The following GRM5 variants were observed in gnomAD, a reference collection of about 807,000 sequenced individuals.
GRM5 encodes the protein metabotropic glutamate receptor 5.
In GRM5, 19 loss-of-function variants were observed where a neutral mutation model predicts 83.1. The observed-to-expected ratio is 0.23, with a 90% CI of 0.16 to 0.34. The LOEUF is 0.34. Ranked by LOEUF, GRM5 falls within the 10% of genes least tolerant of loss-of-function variation. The pLI is 1.00. For missense variants in GRM5, 1,160 were observed against 1,588.3 expected, an observed-to-expected ratio of 0.73 and a Z score of 4.58; for synonymous variants, 675 against 633.6, an observed-to-expected ratio of 1.07 and a Z score of -0.98.
chr11:88,662,398 A>T (rs1369347807), intron 3 of GRM5, among the ~76,000 whole-genome samples: 5 of 152,172 alleles, frequency 3.3e-5, no homozygotes, highest in African/African-American at 1.2e-4. Flanking sequence ...TTTAAGAGAC[A>T]TGTATTGGAA....
chr11:88,541,553 A>C (rs1942268038), intron 8 of GRM5, among the ~76,000 whole-genome samples: 1 of 152,214 alleles, frequency 6.6e-6, no homozygotes. Context: ...ACTGGGCTTT[A>C]GTTTGCCTGA....
chr11:89,034,316 T>C lies in GRM5; in HGVS notation c.661+12896A>G, dbSNP rs139497954. Among the ~76,000 whole-genome samples the C allele has an allele frequency of 1.7e-3, 252 of 152,026 alleles. 3 individuals are homozygous for C. Among genetic ancestry groups the C allele is most frequent in the Middle Eastern group, 0.014 (4 of 294 alleles). Reference sequence around the variant, plus strand: ...GCATAAACAAAAAGGAATTACTTACTACACCATCTACGGTGCTCTAAATGA... The same window carrying C: ...GCATAAACAAAAAGGAATTACTTACCACACCATCTACGGTGCTCTAAATGA... On this transcript the variant is annotated intron_variant, in intron 2 of 9. Transcript: ENST00000305447.
rs1213927000 is a variant in GRM5 at position 88,911,716 on chromosome 11, G to A, written c.662-61561C>T. The stretch of plus-strand genomic sequence containing the variant: ...ATTGAGCAAGTTGAACCAGATCACT[G>A]GTTTACACATTGTGTTGCCTCAGAA... On this transcript the variant is annotated intron_variant, in intron 2 of 9. Transcript: ENST00000305447. 6.6e-5 allele frequency among the ~76,000 whole-genome samples: 10 copies of A among 152,214 alleles called. No individual in the cohort carries two copies. In the East Asian group the frequency reaches 1.9e-3, roughly 29 times the overall value.
intron 2 of GRM5, among the ~76,000 whole-genome samples, chr11:89,045,080 C>G (rs1489646373): frequency 1.3e-5 from 2 of 152,134 alleles, no homozygotes; most frequent in South Asian, 2.1e-4. Flanking sequence ...ACCACATAAA[C>G]AGTAAGCAAA....
intron 5 of GRM5, among the ~76,000 whole-genome samples, chr11:88,602,654 T>C (rs1565356372): frequency 2.0e-5 from 3 of 152,216 alleles, no homozygotes; most frequent in Non-Finnish European, 4.4e-5. Context: ...CCTGGTTGAT[T>C]AATTGTCAGG....
chr11:88,971,363 G>C (rs1453433498), intron 2 of GRM5, among the ~76,000 whole-genome samples: 2 of 152,100 alleles, frequency 1.3e-5, no homozygotes, highest in South Asian at 4.1e-4. Flanking sequence ...GGAGTTTGGT[G>C]TACAGATTAT....
intron 9 of GRM5, among the ~76,000 whole-genome samples, chr11:88,522,109 T>C (rs1447321765): frequency 6.6e-6 from 1 of 152,166 alleles, no homozygotes; most frequent in Admixed American, 6.5e-5. Flanking sequence ...TATTCAATAA[T>C]GGCCACAGAG....
intron 2 of GRM5, among the ~76,000 whole-genome samples, chr11:88,870,602 G>T (rs1944748635): frequency 6.6e-6 from 1 of 151,608 alleles, no homozygotes; most frequent in African/African-American, 2.4e-5. Context: ...ATAGTTTGTA[G>T]TCTGATAGAC....
intron 3 of GRM5, among the ~76,000 whole-genome samples, chr11:88,776,129 T>C (rs1942843137): frequency 6.6e-6 from 1 of 152,198 alleles, no homozygotes; most frequent in Non-Finnish European, 1.5e-5. Context: ...TGCTCCTGTA[T>C]TGGGTGCATA....
intron 7 of GRM5, among the ~76,000 whole-genome samples, chr11:88,581,745 A>C (rs1943215956): frequency 6.6e-6 from 1 of 150,764 alleles, no homozygotes; most frequent in African/African-American, 2.4e-5. Context: ...AGGAAAGGAT[A>C]GTTCCCATAA....
chr11:88,993,743 A>G lies in GRM5; in HGVS notation c.661+53469T>C, dbSNP rs1940075066. Among the ~76,000 whole-genome samples the G allele has an allele frequency of 5.9e-5, 9 of 152,190 alleles. No individual in the cohort carries two copies. In the South Asian group the frequency reaches 1.9e-3, roughly 32 times the overall value. ...GTTTTTAGTTTGTTTGTTTTTTGAG[A>G]CAGGGTCTCACTCTGTTGTCCAGGC... On this transcript the variant is annotated intron_variant, in intron 2 of 9. Coordinates refer to ENST00000305447, the MANE Select transcript of GRM5 (RefSeq NM_001143831.3).
chr11:88,715,184 C>T (rs1037347178), intron 3 of GRM5, among the ~76,000 whole-genome samples: 1 of 151,964 alleles, frequency 6.6e-6, no homozygotes, highest in African/African-American at 2.4e-5. Context: ...GTACCTGTTA[C>T]ATACTATAAT....
At chr11:88,869,290 C>A (rs1473460165) in intron 2 of GRM5, among the ~76,000 whole-genome samples, 5 of 151,548 alleles carry the variant, frequency 3.3e-5, no homozygotes, top group African/African-American at 9.7e-5. Flanking sequence ...CAGGATTACA[C>A]TGGGTCATGA....
chr11:88,683,431 C>G (rs1215485119), intron 3 of GRM5, among the ~76,000 whole-genome samples: 1 of 152,126 alleles, frequency 6.6e-6, no homozygotes. Flanking sequence ...TTATATTGCA[C>G]CTGTTGATTT....
intron 4 of GRM5, among the ~76,000 whole-genome samples, chr11:88,628,337 C>T (rs1938863461): frequency 1.3e-5 from 2 of 152,154 alleles, no homozygotes; most frequent in Admixed American, 6.6e-5. Flanking sequence ...ACTCTTAAAA[C>T]CAGTTCAGAA....
chr11:88,945,683 T>C (rs1938260406), intron 2 of GRM5, among the ~76,000 whole-genome samples: 1 of 152,062 alleles, frequency 6.6e-6, no homozygotes, highest in South Asian at 2.1e-4. Context: ...TGGCTAGCCA[T>C]ATGCAAAAGA....
Position 88,712,237 on chromosome 11 carries a change from C to G in GRM5, c.912-58834G>C, listed in dbSNP as rs189949626. ...AAAATTAACATATTGTATGATTACT[C>G]TGAGGTCCATTATTTTTGTTGAATA... On this transcript the variant is annotated intron_variant, in intron 3 of 9. Coordinates refer to ENST00000305447, the MANE Select transcript of GRM5 (RefSeq NM_001143831.3). Among the ~76,000 whole-genome samples, 12 of 152,058 alleles carry G rather than the reference C, an allele frequency of 7.9e-5. No individual in the cohort carries two copies. In the East Asian group the frequency reaches 2.1e-3, roughly 27 times the overall value.
intron 3 of GRM5, among the ~76,000 whole-genome samples, chr11:88,807,001 G>T (rs1943510058): frequency 6.6e-6 from 1 of 152,030 alleles, no homozygotes; most frequent in Non-Finnish European, 1.5e-5. Context: ...TCCCTAACTT[G>T]CCCAGGCAAA....
intron 3 of GRM5, among the ~76,000 whole-genome samples, chr11:88,797,827 T>TAAA (rs35642201): frequency 6.8e-6 from 1 of 147,806 alleles, no homozygotes; most frequent in Admixed American, 6.8e-5. Context: ...TTGCTGTTGT[T>TAAA]AAAAAAAAAA....
Sources: allele counts gnomAD v4.1 joint callset (sites outside exome capture counted in the v4.1 genomes callset), GRCh38; gene constraint gnomAD v4.1.1; transcripts MANE v1.5; gene names NCBI Gene and HGNC (gene_info 2026-07-23, HGNC 2026-07-21).